The following LEPROTL1 variants were observed in gnomAD, a reference collection of about 807,000 sequenced individuals.
LEPROTL1 encodes leptin receptor overlapping transcript-like 1.
LEPROTL1 carries 6 observed loss-of-function variants against 15.4 expected under a neutral mutation model. The observed-to-expected ratio is 0.39, with a 90% CI of 0.21 to 0.77. The LOEUF (loss-of-function observed/expected upper bound fraction) is 0.77, where lower values mean the gene tolerates loss of function less well. Ranked by LOEUF, LEPROTL1 falls within the 30% of genes least tolerant of loss-of-function variation. The pLI, the probability that LEPROTL1 is intolerant of heterozygous loss-of-function variation, is 0.41. For synonymous variants in LEPROTL1, 56 were observed against 52.6 expected, an observed-to-expected ratio of 1.06 and a Z score of -0.28; for missense variants, 128 against 158.1, an observed-to-expected ratio of 0.81 and a Z score of 1.02.
chr8:30,102,234 C>T (rs1802478539), intron 2 of LEPROTL1, among the ~76,000 whole-genome samples: 1 of 152,036 alleles, frequency 6.6e-6, no homozygotes, highest in African/African-American at 2.4e-5. Context: ...AGTACCTCAG[C>T]CCTCCTGCTC....
intron 3 of LEPROTL1, among the ~76,000 whole-genome samples, chr8:30,125,452 T>C (rs1037586831): frequency 1.3e-5 from 2 of 152,192 alleles, no homozygotes; most frequent in African/African-American, 4.8e-5. Context: ...AGGAATATAA[T>C]AGGAAATGCC....
chr8:30,126,583 A>T (rs1300291729), intron 3 of LEPROTL1, among the ~76,000 whole-genome samples: 1 of 152,178 alleles, frequency 6.6e-6, no homozygotes, highest in Non-Finnish European at 1.5e-5. Context: ...CCAAGGTTGG[A>T]TTGTCTCCTA....
At chr8:30,101,771 G>C in intron 1 of LEPROTL1, 127 bp from the exon 2 acceptor site, 1 of 566,782 alleles carries the variant, frequency 1.8e-6, no homozygotes, top group East Asian at 3.2e-5. Flanking sequence ...CACTTCTGAT[G>C]GCAACTTGCT....
chr8:30,100,176 C>A (rs1802441541), intron 1 of LEPROTL1, among the ~76,000 whole-genome samples: 1 of 152,064 alleles, frequency 6.6e-6, no homozygotes, highest in Non-Finnish European at 1.5e-5. Flanking sequence ...ATCTGCCAAG[C>A]CACTATGTCA....
At position 30,127,407 on chromosome 8, in the gene LEPROTL1, A is replaced by G. The variant is rs78129619; in HGVS notation, c.280-4968A>G. ...CCAGAGGTCAGGAGGTGTGTGCCCA[A>G]TGGGCGCTGTTTCCATGGGTTACTG... is the stretch of plus-strand genomic sequence containing the variant. On this transcript the variant is annotated intron_variant, in intron 3 of 4. Transcript: ENST00000442880. Among the ~76,000 whole-genome samples, 1,294 of 152,300 alleles carry G rather than the reference A, an allele frequency of 8.5e-3. 28 individuals are homozygous for G. The highest frequency in any genetic ancestry group is 0.03 in the African/African-American group (1,238 of 41,582).
chr8:30,105,531 C>T (rs1375821268), intron 3 of LEPROTL1, among the ~76,000 whole-genome samples: 1 of 147,668 alleles, frequency 6.8e-6, no homozygotes, highest in East Asian at 1.9e-4. Flanking sequence ...TATATTTATA[C>T]TGTATATATT....
chr8:30,121,715 G>A (rs1406548173), intron 3 of LEPROTL1, among the ~76,000 whole-genome samples: 1 of 152,148 alleles, frequency 6.6e-6, no homozygotes. Context: ...AGGGATGTGT[G>A]ATTCTGGCAG....
intron 1 of LEPROTL1, among the ~76,000 whole-genome samples, chr8:30,098,045 G>A (rs1432772283): frequency 6.6e-6 from 1 of 152,096 alleles, no homozygotes; most frequent in Non-Finnish European, 1.5e-5. Context: ...AAGGTGGCTT[G>A]CCTCTTGCGG....
chr8:30,103,741 C>CAAA (rs200908304), intron 2 of LEPROTL1, among the ~76,000 whole-genome samples: 5 of 89,072 alleles, frequency 5.6e-5, no homozygotes, highest in African/African-American at 1.6e-4. Flanking sequence ...GACTCTGTCT[C>CAAA]AAAAAAAAAA....
intron 4 of LEPROTL1, chr8:30,132,963 T>C: frequency 6.9e-7 from 1 of 1,452,284 alleles, no homozygotes; most frequent in South Asian, 1.5e-5. Flanking sequence ...CTCTCTCTCT[T>C]ATTCCAGTCT....
chr8:30,126,881 TA>T (rs1802913344), intron 3 of LEPROTL1, among the ~76,000 whole-genome samples: 1 of 151,882 alleles, frequency 6.6e-6, no homozygotes, highest in Admixed American at 6.6e-5. Context: ...GTACTAAAAA[TA>T]CAAAAAAATT....
intron 2 of LEPROTL1, among the ~76,000 whole-genome samples, chr8:30,102,719 T>C (rs893290362): frequency 6.6e-6 from 1 of 151,858 alleles, no homozygotes; most frequent in Admixed American, 6.6e-5. Context: ...TTTTAACATT[T>C]AGATAAATTA....
intron 3 of LEPROTL1, chr8:30,117,511 AT>A: frequency 7.2e-7 from 1 of 1,379,952 alleles, no homozygotes; most frequent in Non-Finnish European, 1.0e-6. Context: ...ATTTTCTGCC[AT>A]TTTTCCAGAT....
At chr8:30,127,963 G>A (rs1802932979) in intron 3 of LEPROTL1, among the ~76,000 whole-genome samples, 2 of 152,106 alleles carry the variant, frequency 1.3e-5, no homozygotes, top group Admixed American at 6.6e-5. Flanking sequence ...CAGAGTCTTG[G>A]AAGTAATAGA....
At chr8:30,129,459 C>G (rs1001741430) in intron 3 of LEPROTL1, among the ~76,000 whole-genome samples, 1 of 152,120 alleles carries the variant, frequency 6.6e-6, no homozygotes, top group Non-Finnish European at 1.5e-5. Context: ...GATCCCAGCA[C>G]TTCAGGAGGC....
At chr8:30,124,834 T>TCATTAGATGAC (rs1802883130) in intron 3 of LEPROTL1, among the ~76,000 whole-genome samples, 1 of 152,206 alleles carries the variant, frequency 6.6e-6, no homozygotes, top group Admixed American at 6.5e-5. Flanking sequence ...TTCAGGTCAT[T>TCATTAGATGAC]ACCATGAGTG....
chr8:30,107,975 AT>A lies in LEPROTL1; in HGVS notation c.*2117del. ...TCTAGGCTAGTTACTTGAGATATGA[AT>A]TTTCCATAGAATATGCACTGATACA... On this transcript the variant is annotated 3_prime_UTR_variant, in exon 4 of 4. Coordinates refer to ENST00000321250, the MANE Select transcript of LEPROTL1 (RefSeq NM_015344.3). 1.0e-6 allele frequency: 1 copy of A among 981,806 alleles called. No individual in the cohort carries two copies. The highest frequency in any genetic ancestry group is 1.2e-6 in the Non-Finnish European group (1 of 826,660). 60.8% of individuals were successfully genotyped at this position (981,806 alleles called of 1,614,324 possible).
intron 3 of LEPROTL1, among the ~76,000 whole-genome samples, chr8:30,124,882 G>C (rs1802883957): frequency 6.6e-6 from 1 of 152,062 alleles, no homozygotes; most frequent in Non-Finnish European, 1.5e-5. Context: ...CTTTCTACAG[G>C]GAAATGTCAT....
intron 2 of LEPROTL1, 38 bp downstream of exon 2, chr8:30,102,011 A>C: frequency 7.5e-7 from 1 of 1,340,804 alleles, no homozygotes; most frequent in Non-Finnish European, 1.0e-6. Context: ...ATTTAAGGGT[A>C]AAATTTTTCT....
Sources: allele counts gnomAD v4.1 joint callset (sites outside exome capture counted in the v4.1 genomes callset), GRCh38; gene constraint gnomAD v4.1.1; transcripts MANE v1.5; gene names NCBI Gene and HGNC (gene_info 2026-07-23, HGNC 2026-07-21).